MROH2B: variants seen among roughly 807,000 people sequenced by gnomAD.
The protein encoded by MROH2B is maestro heat-like repeat-containing protein family member 2B.
MROH2B carries 177 observed loss-of-function variants against 208.6 expected under a neutral mutation model. The ratio of observed to expected loss-of-function variants is 0.85; its 90% confidence interval spans 0.75 to 0.96. The LOEUF is 0.96. Among genes scored for constraint, MROH2B ranks in the 40% least tolerant of loss-of-function variants. The pLI is 0.00. For missense variants in MROH2B, 2,002 were observed against 1,878.7 expected (o/e 1.07, Z -1.21); for synonymous variants, 728 against 659.0 (o/e 1.10, Z -1.60).
At position 41,069,764 on chromosome 5, in the gene MROH2B, A is replaced by G. The variant is rs1406859528; in HGVS notation, c.29-12T>C. The G allele has an allele frequency of 8.2e-6, 13 of 1,580,096 alleles. No homozygotes were observed. Among genetic ancestry groups the G allele is most frequent in the Non-Finnish European group, 9.5e-6 (11 of 1,154,512 alleles). On this transcript the variant is annotated splice_polypyrimidine_tract_variant and intron_variant, in intron 1 of 41. Coordinates refer to ENST00000399564, the MANE Select transcript of MROH2B (RefSeq NM_173489.5). ...ATCCCCAAACATCTCTAAAACGTAC[A>G]GAAAAATATGAATTGAAATATATGC...
chr5:41,017,800 A>G (rs1475019546), intron 28 of MROH2B, 50 bp downstream of exon 28: 3 of 1,534,174 alleles, frequency 2.0e-6, no homozygotes, highest in Admixed American at 2.1e-5. Flanking sequence ...TGAGAATAAA[A>G]GAAGATGGGT....
Position 41,018,945 on chromosome 5 carries a change from G to A in MROH2B, c.2515C>T (p.Leu839Phe). 6.2e-7 allele frequency: 1 copy of A among 1,613,888 alleles called. No individual in the cohort carries two copies. Among genetic ancestry groups the A allele is most frequent in the South Asian group, 1.1e-5 (1 of 91,070 alleles). The change falls in exon 25 of 42, where the codon CTT (leucine) becomes TTT (phenylalanine). Residue 839 changes from leucine to phenylalanine, a missense_variant. By Grantham distance (22) the Leu-to-Phe change is conservative (BLOSUM62 0). Coordinates refer to ENST00000399564, the MANE Select transcript of MROH2B (RefSeq NM_173489.5). ...CTTTTCAGATTTTCCAGAGGTGGAA[G>A]GGGCAGCAGCCTCCGAATATTCTCC... ...LEENIRRLLP[L>F]PPLENLKSEG...
chr5:41,047,586 C>G, intron 17 of MROH2B, 135 bp downstream of exon 17: 1 of 778,294 alleles, frequency 1.3e-6, no homozygotes, highest in Non-Finnish European at 2.1e-6. Context: ...TCACTTCTAA[C>G]ATTCTAATTC....
rs1742460372 is a variant in MROH2B at position 41,028,582 on chromosome 5, C to T, written c.2441+4160G>A. Among the ~76,000 whole-genome samples, 4 of 152,062 alleles carry T rather than the reference C, an allele frequency of 2.6e-5. 1 individual carries two copies. The South Asian group carries it at 8.3e-4, about 31-fold the overall frequency. On this transcript the variant is annotated intron_variant, in intron 24 of 41. Coordinates refer to ENST00000399564, the MANE Select transcript of MROH2B (RefSeq NM_173489.5). ...ATACAATATTTTTTTCTGTGTCTGG[C>T]TTATTTTACATAGTATAATGTTGTA...
chr5:41,006,457 C>T (rs1187075665), intron 34 of MROH2B, among the ~76,000 whole-genome samples: 3 of 152,142 alleles, frequency 2.0e-5, no homozygotes, highest in African/African-American at 4.8e-5. Context: ...AGTAGATCTA[C>T]CGGTTGATCC....
In MROH2B at chr5:41,027,161, T is replaced by G. The variant is rs531578896; in HGVS notation, c.2441+5581A>C. 9.9e-5 allele frequency among the ~76,000 whole-genome samples: 15 copies of G among 152,166 alleles called. No homozygotes were observed. In the South Asian group the frequency reaches 3.1e-3, roughly 32 times the overall value. On this transcript the variant is annotated intron_variant, in intron 24 of 41. Transcript: ENST00000399564. Reference sequence around the variant, plus strand: ...TTCATGTCTAAAACACCAAAAGCAATGGCAACAAAAGCAAAAATTGACAAA... The same window carrying G: ...TTCATGTCTAAAACACCAAAAGCAAGGGCAACAAAAGCAAAAATTGACAAA...
rs1396091694 is a variant in MROH2B at position 41,033,855 on chromosome 5, T to C, written c.2224A>G (p.Met742Val). Residue 742 changes from methionine to valine, a missense_variant, in exon 22 of 42, where the codon ATG becomes GTG. By Grantham distance (21) the Met-to-Val change is conservative. Coordinates refer to ENST00000399564, the MANE Select transcript of MROH2B (RefSeq NM_173489.5). ...TCTCCTACCTTGTTCATCACAGACA[T>C]GCCCAGAACCTAAAAAAAATCAAAG... ...LHGQCSQVLG[M>V]SVMNKDMDLQ... 6.5e-7 allele frequency: 1 copy of C among 1,547,414 alleles called. No individual in the cohort carries two copies. The highest frequency in any genetic ancestry group is 2.0e-5 in the Admixed American group (1 of 50,806).
At chr5:41,047,080 C>A (rs1422639957) in intron 17 of MROH2B, among the ~76,000 whole-genome samples, 1 of 140,208 alleles carries the variant, frequency 7.1e-6, no homozygotes, top group Non-Finnish European at 1.6e-5. Context: ...TATAGAAAAC[C>A]TTCTATATTA....
chr5:41,018,250 T>G, intron 27 of MROH2B, 91 bp downstream of exon 27: 2 of 1,292,760 alleles, frequency 1.5e-6, no homozygotes, highest in Non-Finnish European at 2.2e-6. Flanking sequence ...AGATGCACGA[T>G]CCATCATGCA....
In MROH2B at chr5:41,052,535, A is replaced by G. The variant is rs540024081; in HGVS notation, c.1160T>C (p.Ile387Thr). 1.6e-5 allele frequency: 26 copies of G among 1,612,784 alleles called. No individual in the cohort carries two copies. The highest frequency in any genetic ancestry group is 1.7e-4 in the Middle Eastern group (1 of 6,058). Residue 387 changes from isoleucine (I) to threonine (T), a missense_variant, in exon 12 of 42, where the codon ATT (isoleucine) becomes ACT (threonine). By Grantham distance (89) the Ile-to-Thr change is moderately conservative. Transcript: ENST00000399564. Reference protein sequence around the residue: ...LIQTMCEKSYIEAREGWPLID... With the variant: ...LIQTMCEKSYTEAREGWPLID... ...CAATGGCCATCCTTCCCGAGCTTCA[A>G]TATAGGACTTTTCACACATGGTTTG...
intron 22 of MROH2B, among the ~76,000 whole-genome samples, 175 bp from the exon 23 acceptor site, chr5:41,033,335 C>T (rs1329701862): frequency 6.6e-6 from 1 of 152,022 alleles, no homozygotes; most frequent in East Asian, 1.9e-4. Context: ...AAACAAATGC[C>T]ATTTTTCCTC....
intron 12 of MROH2B, 86 bp downstream of exon 12, chr5:41,052,379 G>T (rs1743311613): frequency 7.8e-7 from 1 of 1,286,348 alleles, no homozygotes; most frequent in Non-Finnish European, 1.0e-6. Flanking sequence ...ACAGATTAAG[G>T]ATCCTAATCA....
chr5:41,045,146 T>C (rs974520731), intron 18 of MROH2B, among the ~76,000 whole-genome samples: 72 of 152,204 alleles, frequency 4.7e-4, no homozygotes, highest in African/African-American at 1.6e-3. Context: ...AAGAACTGAC[T>C]TTAAAAACAT....
At chr5:41,004,716 A>G (rs752754168) in intron 36 of MROH2B, 58 bp downstream of exon 36, 131 of 1,575,044 alleles carry the variant, frequency 8.3e-5, no homozygotes, top group Non-Finnish European at 1.0e-4. Flanking sequence ...GTGGGTTATT[A>G]AATCATTATT....
chr5:41,034,423 G>A (rs150463327), intron 21 of MROH2B, among the ~76,000 whole-genome samples: 188 of 152,118 alleles, frequency 1.2e-3, no homozygotes, highest in African/African-American at 4.1e-3. Flanking sequence ...ACTGAGCCAC[G>A]TAGGAATACT....
intron 6 of MROH2B, among the ~76,000 whole-genome samples, chr5:41,059,043 A>G: frequency 2.3e-5 from 3 of 129,832 alleles, no homozygotes; most frequent in Admixed American, 8.8e-5. Flanking sequence ...GTGAGACTCC[A>G]TCTCAAAAAA....
In MROH2B at chr5:41,035,728, A is replaced by G. The variant is rs187050509; in HGVS notation, c.2215-1864T>C. ...CAAACATGAAAAAATGCTCATCATC[A>G]CTAACCATCAAAGAAATGCAAATCA... On this transcript the variant is annotated intron_variant, in intron 21 of 41. Coordinates refer to ENST00000399564, the MANE Select transcript of MROH2B (RefSeq NM_173489.5). 7.6e-4 allele frequency among the ~76,000 whole-genome samples: 116 copies of G among 152,288 alleles called. No individual in the cohort carries two copies. In the East Asian group the frequency reaches 0.02, roughly 27 times the overall value.
chr5:41,016,943 C>T (rs922006892), intron 28 of MROH2B, among the ~76,000 whole-genome samples: 6 of 152,042 alleles, frequency 3.9e-5, no homozygotes, highest in Admixed American at 2.6e-4. Context: ...TATCTCTTTC[C>T]CCCAACCAAA....
intron 19 of MROH2B, among the ~76,000 whole-genome samples, chr5:41,040,079 A>G (rs1301762644): frequency 1.3e-5 from 2 of 152,206 alleles, no homozygotes; most frequent in Non-Finnish European, 2.9e-5. Flanking sequence ...TGGCGGGTTC[A>G]TTACAGTAGG....
Sources: allele counts gnomAD v4.1 joint callset (sites outside exome capture counted in the v4.1 genomes callset), GRCh38; gene constraint gnomAD v4.1.1; transcripts MANE v1.5; gene names NCBI Gene and HGNC (gene_info 2026-07-23, HGNC 2026-07-21).